EFL1: variants seen among roughly 807,000 people sequenced by gnomAD.
The protein encoded by EFL1 is elongation factor like GTPase 1.
A neutral mutation model predicts 126.7 loss-of-function variants in EFL1; 76 were observed. The observed-to-expected ratio is 0.60, with a 90% confidence interval of 0.50 to 0.73. The LOEUF (loss-of-function observed/expected upper bound fraction) is 0.73, where lower values mean the gene tolerates loss of function less well. EFL1 is among the 30% of genes least tolerant of loss of function. The pLI is 0.00. For missense variants in EFL1, 1,128 were observed against 1,343.2 expected, an observed-to-expected ratio of 0.84 and a Z score of 2.50; for synonymous variants, 410 against 448.4, an observed-to-expected ratio of 0.91 and a Z score of 1.08.
At chr15:82,180,381 A>C (rs866247247) in intron 15 of EFL1, among the ~76,000 whole-genome samples, 20 of 128,346 alleles carry the variant, frequency 1.6e-4, no homozygotes, top group South Asian at 2.2e-4. Flanking sequence ...AACAAAAAAA[A>C]AACAAACAAA....
chr15:82,220,378 A>G, intron 12 of EFL1, 149 bp from the exon 13 acceptor site: 1 of 887,622 alleles, frequency 1.1e-6, no homozygotes, highest in Middle Eastern at 2.9e-4. Flanking sequence ...TAGCAATAAG[A>G]GAGGGCCTAT....
chr15:82,142,194 G>T (rs1238192245), intron 18 of EFL1, among the ~76,000 whole-genome samples: 1 of 152,164 alleles, frequency 6.6e-6, no homozygotes, highest in African/African-American at 2.4e-5. Flanking sequence ...TCACTTGTTT[G>T]TTCAGTCACT....
rs373455698 is a variant in EFL1 at position 82,152,126 on chromosome 15, C to T, written c.2328G>A (p.Met776Ile). 11 of 1,614,010 alleles carry T rather than the reference C, an allele frequency of 6.8e-6. No individual in the cohort carries two copies. The African/African-American group carries it at 1.5e-4, about 22-fold the overall frequency. The change falls in exon 18 of 20, where the codon ATG (methionine) becomes ATA (isoleucine). Residue 776 changes from methionine (M) to isoleucine (I), a missense_variant. Transcript: ENST00000268206. ...LEENSDLIRSMEQLTSSLNEG... is the reference protein window; with the variant it reads ...LEENSDLIRSIEQLTSSLNEG... ...CATTCAAAGAGGATGTCAACTGCTC[C>T]ATAGAACGAATCAAATCACTATTTT... is the stretch of plus-strand genomic sequence containing the variant.
intron 19 of EFL1, among the ~76,000 whole-genome samples, chr15:82,135,717 G>A (rs1341889101): frequency 6.6e-6 from 1 of 152,190 alleles, no homozygotes; most frequent in African/African-American, 2.4e-5. Flanking sequence ...GTTAGATGTG[G>A]TCAGATGACT....
At chr15:82,146,942 T>A (rs2073853008) in intron 18 of EFL1, among the ~76,000 whole-genome samples, 1 of 152,036 alleles carries the variant, frequency 6.6e-6, no homozygotes, top group South Asian at 2.1e-4. Context: ...GATGGCCAAG[T>A]GGGGAGTGCC....
chr15:82,165,184 G>A (rs966761634), intron 15 of EFL1, among the ~76,000 whole-genome samples: 20 of 152,022 alleles, frequency 1.3e-4, no homozygotes, highest in African/African-American at 4.8e-4. Context: ...TGGGAGGATC[G>A]CTTAAGCACA....
intron 18 of EFL1, among the ~76,000 whole-genome samples, chr15:82,151,243 C>T (rs890515907): frequency 7.2e-5 from 11 of 152,094 alleles, no homozygotes; most frequent in Non-Finnish European, 1.5e-5. Context: ...AAAAACTTAG[C>T]TGCACATGGT....
In EFL1 at chr15:82,229,095, G is replaced by T. The variant is rs771921281; in HGVS notation, c.871C>A (p.Pro291Thr). The change falls in exon 9 of 20, where the codon CCT (proline) becomes ACT (threonine). Residue 291 changes from proline to threonine, a missense_variant. Pro to Thr is a conservative substitution (Grantham distance 38). Transcript: ENST00000268206. ...TCCAGGATCAACTGTACAAATAAAGGTTTCTTTCCTTTGGCCTGTACAAAA... is the reference window on the plus strand; with the variant it reads ...TCCAGGATCAACTGTACAAATAAAGTTTTCTTTCCTTTGGCCTGTACAAAA... ...MKGDQAKGKK[P>T]LFVQLILENI... 3.1e-6 allele frequency: 5 copies of T among 1,610,726 alleles called. No individual in the cohort carries two copies. In the Admixed American group the frequency reaches 8.4e-5, roughly 27 times the overall value.
At chr15:82,214,245 G>T (rs113568751) in intron 15 of EFL1, among the ~76,000 whole-genome samples, 9 of 152,306 alleles carry the variant, frequency 5.9e-5, no homozygotes, top group Admixed American at 5.9e-4. Context: ...TTAAGGAGAT[G>T]AAGAGTAATA....
intron 14 of EFL1, among the ~76,000 whole-genome samples, chr15:82,218,219 C>G (rs141343892): frequency 2.6e-5 from 4 of 152,238 alleles, no homozygotes; most frequent in Admixed American, 2.6e-4. Flanking sequence ...TTGTTGTAAT[C>G]TGTAATATGC....
At chr15:82,149,777 T>C (rs1294280571) in intron 18 of EFL1, among the ~76,000 whole-genome samples, 1 of 152,174 alleles carries the variant, frequency 6.6e-6, no homozygotes, top group Non-Finnish European at 1.5e-5. Context: ...TACAGATGAT[T>C]GGAAACTAGC....
intron 16 of EFL1, among the ~76,000 whole-genome samples, chr15:82,163,361 C>T (rs781397489): frequency 3.9e-5 from 6 of 152,152 alleles, no homozygotes; most frequent in South Asian, 2.1e-4. Flanking sequence ...GGCCAACTGG[C>T]GAAACCCCGT....
intron 15 of EFL1, among the ~76,000 whole-genome samples, chr15:82,169,760 T>C (rs754653142): frequency 2.9e-4 from 44 of 152,314 alleles, no homozygotes; most frequent in Non-Finnish European, 4.9e-4. Context: ...TTCAAATAAT[T>C]GATAAACAGT....
chr15:82,232,801 A>C (rs543078793), intron 7 of EFL1, among the ~76,000 whole-genome samples: 25 of 152,210 alleles, frequency 1.6e-4, no homozygotes, highest in Non-Finnish European at 3.4e-4. Flanking sequence ...CTTTCTAAAA[A>C]ATATCTCCTT....
At chr15:82,236,633 A>G (rs762563668) in intron 7 of EFL1, among the ~76,000 whole-genome samples, 2 of 152,226 alleles carry the variant, frequency 1.3e-5, no homozygotes, top group African/African-American at 4.8e-5. Flanking sequence ...CCTCCCACCA[A>G]AAGAAAACCT....
intron 15 of EFL1, among the ~76,000 whole-genome samples, chr15:82,171,356 C>T (rs1040927143): frequency 1.2e-4 from 18 of 152,022 alleles, no homozygotes; most frequent in African/African-American, 3.6e-4. Flanking sequence ...GTAGTGACAG[C>T]GGTCTGTTAG....
At chr15:82,171,943 G>C (rs2074140414) in intron 15 of EFL1, among the ~76,000 whole-genome samples, 1 of 151,796 alleles carries the variant, frequency 6.6e-6, no homozygotes, top group South Asian at 2.1e-4. Flanking sequence ...AATGTCGAAA[G>C]GGGACAAAAA....
At chr15:82,144,989 C>T (rs1341209958) in intron 18 of EFL1, among the ~76,000 whole-genome samples, 1 of 145,820 alleles carries the variant, frequency 6.9e-6, no homozygotes, top group Non-Finnish European at 1.5e-5. Flanking sequence ...AAGACTCCAA[C>T]TCAAAAAAGA....
intron 4 of EFL1, among the ~76,000 whole-genome samples, 154 bp downstream of exon 4, chr15:82,252,537 G>C (rs2075031880): frequency 6.6e-6 from 1 of 152,192 alleles, no homozygotes; most frequent in Non-Finnish European, 1.5e-5. Context: ...TCCAAGCCTG[G>C]ACAGCCTGAC....
Sources: allele counts gnomAD v4.1 joint callset (sites outside exome capture counted in the v4.1 genomes callset), GRCh38; gene constraint gnomAD v4.1.1; transcripts MANE v1.5; gene names NCBI Gene and HGNC (gene_info 2026-07-23, HGNC 2026-07-21).